PI4K2A: variants seen among roughly 807,000 people sequenced by gnomAD.
PI4K2A encodes the protein phosphatidylinositol 4-kinase type 2 alpha.
A neutral mutation model predicts 55.0 loss-of-function variants in PI4K2A; 20 were observed. The observed-to-expected ratio is 0.36, with a 90% CI of 0.26 to 0.53. The LOEUF is 0.53. Ranked by LOEUF, PI4K2A falls within the 20% of genes least tolerant of loss-of-function variation. The probability of loss-of-function intolerance (pLI) is 0.91; values close to 1 mark genes in which losing one functional copy is unlikely to be tolerated. For synonymous variants in PI4K2A, 235 were observed against 258.5 expected, an observed-to-expected ratio of 0.91 and a Z score of 0.87; for missense variants, 463 against 637.1, an observed-to-expected ratio of 0.73 and a Z score of 2.94.
Position 97,656,700 on chromosome 10 carries a change from G to A in PI4K2A, c.769-121G>A, listed in dbSNP as rs752278304. Reference sequence around the variant, plus strand: ...CAAGAAATGAGGAAGTAAAGATCTTGAAAAGTTTTCCTTCTCTGATACAAA... The same window carrying A: ...CAAGAAATGAGGAAGTAAAGATCTTAAAAAGTTTTCCTTCTCTGATACAAA... On this transcript the variant is annotated intron_variant, in intron 3 of 8. Coordinates refer to ENST00000370631, the Ensembl canonical transcript of PI4K2A. This position sits in a 1 kb window ranked among gnomAD's most constrained non-coding sequence, Gnocchi z 4.5. 2.3e-6 allele frequency: 2 copies of A among 887,850 alleles called. No homozygotes were observed. The highest frequency in any genetic ancestry group is 3.3e-5 in the South Asian group (2 of 61,040). The allele number at this position is 887,850 out of a possible 1,614,324, so 55.0% of individuals were successfully genotyped here. A position where few individuals can be genotyped will look rare whatever the true frequency, so the allele number is the denominator to read the frequency against.
chr10:97,642,866 TTTCTTTCTTTCTTTCTTTCTTCCTTC>T lies in PI4K2A; in HGVS notation c.435+1690_435+1715del, dbSNP rs1370397688. 1.5e-3 allele frequency among the ~76,000 whole-genome samples: 7 copies of T among 4,676 alleles called. 1 individual carries two copies. The highest frequency in any genetic ancestry group is 2.9e-3 in the Admixed American group (1 of 342). 3.1% of individuals were successfully genotyped at this position (4,676 alleles called of 152,430 possible). A position where few individuals can be genotyped will look rare whatever the true frequency, so the allele number is the denominator to read the frequency against. On this transcript the variant is annotated intron_variant, in intron 1 of 8. Transcript: ENST00000370631. ...TCCTTCCTTCCTTTCTTTCTTTCTT[TTTCTTTCTTTCTTTCTTTCTTCCTTC>T]CTTCCTTCCTTCCTTCCTTCCTTCC...
At chr10:97,642,214 G>A (rs1347276560) in intron 1 of PI4K2A, among the ~76,000 whole-genome samples, 2 of 151,916 alleles carry the variant, frequency 1.3e-5, no homozygotes, top group African/African-American at 4.8e-5. Context: ...TGGCCAGGAC[G>A]GGCTGTTACT....
intron 6 of PI4K2A, 34 bp downstream of exon 6, chr10:97,665,018 C>A: frequency 7.7e-7 from 1 of 1,296,832 alleles, no homozygotes; most frequent in Non-Finnish European, 1.1e-6. Context: ...CTGGCTCTTC[C>A]CTTGCTCAGT....
chr10:97,651,175 T>A (rs1270465935), intron 2 of PI4K2A, 34 bp downstream of exon 2: 1 of 1,553,816 alleles, frequency 6.4e-7, no homozygotes, highest in Non-Finnish European at 8.9e-7. Flanking sequence ...CCTTACTGCC[T>A]GGCCACAGTT....
At chr10:97,644,027 C>G (rs1475439119) in intron 1 of PI4K2A, among the ~76,000 whole-genome samples, 1 of 152,122 alleles carries the variant, frequency 6.6e-6, no homozygotes, top group Non-Finnish European at 1.5e-5. Flanking sequence ...TCACCACTAT[C>G]CTTTGCTCCC....
chr10:97,649,310 A>C (rs2041519124), intron 1 of PI4K2A, among the ~76,000 whole-genome samples: 1 of 152,194 alleles, frequency 6.6e-6, no homozygotes, highest in Non-Finnish European at 1.5e-5. Context: ...AAACAACCTC[A>C]GAGGGCTGAC....
intron 1 of PI4K2A, among the ~76,000 whole-genome samples, chr10:97,649,661 T>A (rs2041521682): frequency 7.1e-6 from 1 of 141,056 alleles, no homozygotes; most frequent in South Asian, 2.4e-4. Context: ...CTTGGTCTTG[T>A]CACCCAGGCT....
chr10:97,659,894 G>C (rs2041572239), intron 4 of PI4K2A, among the ~76,000 whole-genome samples: 1 of 152,002 alleles, frequency 6.6e-6, no homozygotes, highest in African/African-American at 2.4e-5. Context: ...TGGGGAGACA[G>C]ATTTCTGTTG....
chr10:97,672,927 T>C (rs1215272979), intron 8 of PI4K2A, among the ~76,000 whole-genome samples: 2 of 151,454 alleles, frequency 1.3e-5, no homozygotes, highest in Admixed American at 1.3e-4. Flanking sequence ...GATACAGAGT[T>C]TCACCATGTT....
intron 2 of PI4K2A, among the ~76,000 whole-genome samples, chr10:97,652,832 A>G (rs1053025262): frequency 1.3e-5 from 2 of 152,202 alleles, no homozygotes; most frequent in Non-Finnish European, 2.9e-5. Context: ...GCAAAATACT[A>G]TATTTATAGT....
At chr10:97,650,493 G>A (rs2041525941) in intron 1 of PI4K2A, among the ~76,000 whole-genome samples, 3 of 152,078 alleles carry the variant, frequency 2.0e-5, no homozygotes, top group Admixed American at 2.0e-4. Flanking sequence ...TGTTGGCCAG[G>A]CTGGTCTCAA....
chr10:97,647,387 T>C (rs547534130), intron 1 of PI4K2A, among the ~76,000 whole-genome samples: 1 of 152,310 alleles, frequency 6.6e-6, no homozygotes, highest in East Asian at 1.9e-4. Context: ...GCAGTAGTCA[T>C]TTTCTTTTCC....
chr10:97,662,981 G>C lies in PI4K2A; in HGVS notation c.984+13G>C, dbSNP rs768867108. 3.3e-6 allele frequency: 5 copies of C among 1,537,812 alleles called. No homozygotes were observed. Among genetic ancestry groups the C allele is most frequent in the Non-Finnish European group, 3.6e-6 (4 of 1,110,612 alleles). Reference sequence around the variant, plus strand: ...TTCTAGCTCTCGGGTAAGAGACTGAGATAAATCTTAAAGAGAATGAAGAGT... The same window carrying C: ...TTCTAGCTCTCGGGTAAGAGACTGACATAAATCTTAAAGAGAATGAAGAGT... On this transcript the variant is annotated intron_variant, in intron 5 of 8. Coordinates refer to ENST00000370631, the Ensembl canonical transcript of PI4K2A.
intron 1 of PI4K2A, among the ~76,000 whole-genome samples, chr10:97,649,912 C>T (rs2041522720): frequency 6.6e-6 from 1 of 151,982 alleles, no homozygotes; most frequent in Non-Finnish European, 1.5e-5. Flanking sequence ...GCGTAAGCCA[C>T]CATGCCCGGC....
chr10:97,650,000 A>T (rs1029172652), intron 1 of PI4K2A, among the ~76,000 whole-genome samples: 1 of 152,180 alleles, frequency 6.6e-6, no homozygotes. Flanking sequence ...AACAGTGTGC[A>T]TAATGTAACT....
At chr10:97,650,067 C>T (rs1397155177) in intron 1 of PI4K2A, among the ~76,000 whole-genome samples, 1 of 151,912 alleles carries the variant, frequency 6.6e-6, no homozygotes, top group Middle Eastern at 3.2e-3. Context: ...AGAAAGATCC[C>T]GTAGGATAAA....
chr10:97,640,738 G>C, exon 1 of PI4K2A: 4 of 1,493,934 alleles, frequency 2.7e-6, no homozygotes, highest in East Asian at 5.4e-5. Flanking sequence ...CCGGCTGTCT[G>C]AGGGATGGAC....
At chr10:97,672,335 C>T (rs977208218) in intron 8 of PI4K2A, among the ~76,000 whole-genome samples, 4 of 152,126 alleles carry the variant, frequency 2.6e-5, no homozygotes, top group Admixed American at 2.6e-4. Flanking sequence ...GCCACTACGC[C>T]CGGACCAAAA....
At chr10:97,673,771 CAG>C in exon 9 of PI4K2A, 1 of 1,608,294 alleles carries the variant, frequency 6.2e-7, no homozygotes, top group Non-Finnish European at 8.5e-7. Flanking sequence ...GAAATATTGT[CAG>C]AGACTGGTGG....
Sources: allele counts gnomAD v4.1 joint callset (sites outside exome capture counted in the v4.1 genomes callset), GRCh38; gene constraint gnomAD v4.1.1; non-coding constraint Gnocchi (gnomAD v3.1); transcripts MANE v1.5; gene names NCBI Gene and HGNC (gene_info 2026-07-23, HGNC 2026-07-21).